Variants in TUBA3C observed in about 807,000 individuals in gnomAD.
TUBA3C encodes tubulin alpha 3c.
A neutral mutation model predicts 33.4 loss-of-function variants in TUBA3C; 23 were observed. That is an observed-to-expected ratio of 0.69 (90% CI 0.50 to 0.98). The LOEUF is 0.98. TUBA3C is among the 50% of genes least tolerant of loss of function. The pLI is 0.00. For synonymous variants in TUBA3C, 269 were observed against 250.4 expected (o/e 1.07, Z -0.70); for missense variants, 402 against 616.0 (o/e 0.65, Z 3.68).
In TUBA3C at chr13:19,177,916, C is replaced by T. The variant is rs36215757; in HGVS notation, c.376-309G>A. On this transcript the variant is annotated intron_variant, in intron 3 of 4. Coordinates refer to ENST00000400113, the MANE Select transcript of TUBA3C (RefSeq NM_006001.3). This position sits in a 1 kb window ranked among gnomAD's most constrained non-coding sequence, Gnocchi z 5.0. ...GGCCGGAGGGCAGTGGCATGAACTC[C>T]GCTCAGTGCAACCTCTGCCTCCCGG... Among the ~76,000 whole-genome samples the T allele has an allele frequency of 0.06, 9,003 of 150,948 alleles. 403 individuals are homozygous for T. Among genetic ancestry groups the T allele is most frequent in the African/African-American group, 0.11 (4,663 of 41,072 alleles).
At chr13:19,180,367 CA>C (rs1165544958) in intron 1 of TUBA3C, among the ~76,000 whole-genome samples, 6 of 86,980 alleles carry the variant, frequency 6.9e-5, no homozygotes, top group African/African-American at 2.8e-4. Context: ...AGTGCTGGGA[CA>C]CTGCACTGTC....
At chr13:19,175,231 G>A (rs1482688169) in intron 4 of TUBA3C, among the ~76,000 whole-genome samples, 7 of 152,190 alleles carry the variant, frequency 4.6e-5, no homozygotes, top group African/African-American at 1.2e-4. Context: ...CAGCCTGGGC[G>A]ACACAGCAAG....
Position 19,173,894 on chromosome 13 carries a change from T to C in TUBA3C, c.1322A>G (p.Glu441Gly), listed in dbSNP as rs754022764. Residue 441 changes from glutamate to glycine, a missense_variant, in exon 5 of 5, where the codon GAA becomes GGA. Coordinates refer to ENST00000400113, the MANE Select transcript of TUBA3C (RefSeq NM_006001.3). ...TTCTTCACCTTCTTCAGCCTCGGCT[T>C]CCACGGAATCCACGCCCACCTCTTC... ...DYEEVGVDSV[E>G]AEAEEGEEY The C allele has an allele frequency of 1.2e-4, 190 of 1,613,934 alleles. 1 individual carries two copies. The highest frequency in any genetic ancestry group is 1.6e-4 in the Non-Finnish European group (183 of 1,180,014).
At chr13:19,176,849 G>A (rs1869202736) in intron 4 of TUBA3C, 78 bp downstream of exon 4, 22 of 1,533,876 alleles carry the variant, frequency 1.4e-5, no homozygotes, top group Non-Finnish European at 1.8e-5. Flanking sequence ...CAAAGGATGT[G>A]GGCCTTCAGG....
In TUBA3C at chr13:19,181,721, G is replaced by T. The variant is rs180927119; in HGVS notation, c.3+24C>A. On this transcript the variant is annotated intron_variant, in intron 1 of 4. Transcript: ENST00000400113. ...TCCACCCTCCAGCCTGGGCGTCTGCGGGGTGGGAGTGACCTGGCCTTACCA... is the reference window on the plus strand; with the variant it reads ...TCCACCCTCCAGCCTGGGCGTCTGCTGGGTGGGAGTGACCTGGCCTTACCA... The T allele has an allele frequency of 1.6e-5, 26 of 1,601,730 alleles. No individual in the cohort carries two copies. In the African/African-American group the frequency reaches 2.9e-4, roughly 18 times the overall value.
chr13:19,176,422 T>A (rs529917794), intron 4 of TUBA3C, among the ~76,000 whole-genome samples: 118 of 151,506 alleles, frequency 7.8e-4, no homozygotes, highest in Non-Finnish European at 1.4e-3. Context: ...GTAAAGCTCA[T>A]CACAGATACA....
intron 4 of TUBA3C, among the ~76,000 whole-genome samples, chr13:19,176,725 C>CAAAAAAAAAAAAAAAAAAAAAAAAAAAA (rs55746544): frequency 2.9e-5 from 1 of 34,606 alleles, no homozygotes; most frequent in Non-Finnish European, 6.2e-5. Context: ...GACTCTGCCT[C>CAAAAAAAAAAAAAAAAAAAAAAAAAAAA]AAAAAAAAAA....
chr13:19,175,763 A>T (rs1473646838), intron 4 of TUBA3C, among the ~76,000 whole-genome samples: 1 of 151,930 alleles, frequency 6.6e-6, no homozygotes, highest in African/African-American at 2.4e-5. Context: ...TCTTTTTTTG[A>T]GACAGAGTCT....
At chr13:19,175,575 T>C (rs1346131202) in intron 4 of TUBA3C, among the ~76,000 whole-genome samples, 1 of 152,152 alleles carries the variant, frequency 6.6e-6, no homozygotes, top group Admixed American at 6.5e-5. Flanking sequence ...CTTCTTCTCC[T>C]TCAGGGGTTA....
In TUBA3C at chr13:19,179,508, C is replaced by T. The variant is rs773992870; in HGVS notation, c.59G>A (p.Cys20Tyr). 1.6e-5 allele frequency: 26 copies of T among 1,614,216 alleles called. 1 individual carries two copies. In the South Asian group the frequency reaches 2.9e-4, roughly 18 times the overall value. Residue 20 changes from cysteine to tyrosine, a missense_variant, in exon 2 of 5, where the codon TGC (cysteine) becomes TAC (tyrosine). Coordinates refer to ENST00000400113, the MANE Select transcript of TUBA3C (RefSeq NM_006001.3). ...GQAGVQIGNACWELYCLEHGI... is the reference protein window; with the variant it reads ...GQAGVQIGNAYWELYCLEHGI... ...ATGTTCCAGGCAGTACAGTTCCCAGCAGGCATTGCCGATCTGGACTCCTGC... is the reference window on the plus strand; with the variant it reads ...ATGTTCCAGGCAGTACAGTTCCCAGTAGGCATTGCCGATCTGGACTCCTGC...
At position 19,173,831 on chromosome 13, in the gene TUBA3C, C is replaced by A. The variant is rs1869083730; in HGVS notation, c.*32G>T. 1.3e-6 allele frequency: 2 copies of A among 1,590,934 alleles called. No individual in the cohort carries two copies. The highest frequency in any genetic ancestry group is 1.7e-6 in the Non-Finnish European group (2 of 1,167,398). ...TTGAAAGCAGCCACGCTGGGGGTGG[C>A]AGTGGAGTGGAGAACCCACCACACC... On this transcript the variant is annotated 3_prime_UTR_variant, in exon 5 of 5. Coordinates refer to ENST00000400113, the MANE Select transcript of TUBA3C (RefSeq NM_006001.3).
At position 19,181,281 on chromosome 13, in the gene TUBA3C, C is replaced by T. The variant is rs36214441; in HGVS notation, c.3+464G>A. The stretch of plus-strand genomic sequence containing the variant: ...GGCCAGGCTAGTGAGGAGCCCCTGA[C>T]CTCAGGGGATTCCCCGCCTCCAACT... On this transcript the variant is annotated intron_variant, in intron 1 of 4. Coordinates refer to ENST00000400113, the MANE Select transcript of TUBA3C (RefSeq NM_006001.3). Among the ~76,000 whole-genome samples, 1,450 of 152,140 alleles carry T rather than the reference C, an allele frequency of 9.5e-3. 28 individuals are homozygous for T. Among genetic ancestry groups the T allele is most frequent in the African/African-American group, 0.031 (1,285 of 41,532 alleles).
intron 1 of TUBA3C, among the ~76,000 whole-genome samples, chr13:19,181,480 G>A (rs909975204): frequency 6.6e-6 from 1 of 152,110 alleles, no homozygotes; most frequent in Non-Finnish European, 1.5e-5. Context: ...CTCTCTGGGG[G>A]ACAGGACACG....
At chr13:19,179,586 A>C in intron 1 of TUBA3C, 23 bp from the exon 2 acceptor site, 1 of 1,603,736 alleles carries the variant, frequency 6.2e-7, no homozygotes, top group Middle Eastern at 1.7e-4. Context: ...ACATAAATGT[A>C]GACCCATTCA....
At position 19,177,658 on chromosome 13, in the gene TUBA3C, A is replaced by G. The variant is rs759808799; in HGVS notation, c.376-51T>C. 5 of 1,525,616 alleles carry G rather than the reference A, an allele frequency of 3.3e-6. No homozygotes were observed. In the African/African-American group the frequency reaches 5.6e-5, roughly 17 times the overall value. 94.5% of individuals were successfully genotyped at this position (1,525,616 alleles called of 1,614,324 possible). ...CAATGCCCGTGGAAGCCACACCACC[A>G]ACCTCCACCAAGCCAGGGCCACTTC... On this transcript the variant is annotated intron_variant, in intron 3 of 4. Coordinates refer to ENST00000400113, the MANE Select transcript of TUBA3C (RefSeq NM_006001.3). The surrounding 1 kb of genome is among the most constrained non-coding windows in gnomAD (Gnocchi z 5.0).
rs1421094946 is a variant in TUBA3C, at chr13:19,179,251, A to G, written c.226+90T>C. 5 of 1,556,866 alleles carry G rather than the reference A, an allele frequency of 3.2e-6. No homozygotes were observed. The Admixed American group carries it at 7.4e-5, about 23-fold the overall frequency. On this transcript the variant is annotated intron_variant, in intron 2 of 4. Transcript: ENST00000400113. ...TGCTTGTCTATCTCATACCTTCTGC[A>G]GGAGGATTCAAAGGAGCCCACATGG...
At chr13:19,179,295 C>CT (rs776309570) in intron 2 of TUBA3C, 46 bp downstream of exon 2, 2 of 1,610,260 alleles carry the variant, frequency 1.2e-6, no homozygotes, top group South Asian at 1.1e-5. Flanking sequence ...CGACGATGCT[C>CT]TCCCACCCTC....
chr13:19,175,788 G>C (rs1239187087), intron 4 of TUBA3C, among the ~76,000 whole-genome samples: 1 of 152,080 alleles, frequency 6.6e-6, no homozygotes, highest in Non-Finnish European at 1.5e-5. Context: ...CTGTCACCCA[G>C]GCTGGAGTGC....
intron 4 of TUBA3C, among the ~76,000 whole-genome samples, chr13:19,175,715 C>A (rs1470523336): frequency 2.0e-5 from 3 of 152,134 alleles, no homozygotes; most frequent in South Asian, 2.1e-4. Context: ...GGTCGTGTAA[C>A]CTGTAAGGCC....
Sources: gnomAD v4.1 joint callset for allele counts (sites outside exome capture counted in the v4.1 genomes callset) on GRCh38, gnomAD v4.1.1 for gene constraint, Gnocchi (gnomAD v3.1) non-coding constraint, MANE v1.5 for transcripts, NCBI Gene and HGNC (gene_info 2026-07-23, HGNC 2026-07-21) for gene names.